GALNT13: variants seen among roughly 807,000 people sequenced by gnomAD.
GALNT13 encodes polypeptide N-acetylgalactosaminyltransferase 13.
A neutral mutation model predicts 64.2 loss-of-function variants in GALNT13; 28 were observed. The ratio of observed to expected loss-of-function variants is 0.44; its 90% confidence interval spans 0.32 to 0.60. GALNT13 has a LOEUF of 0.60. Ranked by LOEUF, GALNT13 falls within the 20% of genes least tolerant of loss-of-function variation. The pLI is 0.05. For synonymous variants in GALNT13, 214 were observed against 224.6 expected, an observed-to-expected ratio of 0.95 and a Z score of 0.42; for missense variants, 577 against 669.8, an observed-to-expected ratio of 0.86 and a Z score of 1.53.
intron 3 of GALNT13, among the ~76,000 whole-genome samples, chr2:154,133,622 C>T (rs1391610080): frequency 7.4e-6 from 1 of 134,446 alleles, no homozygotes; most frequent in African/African-American, 2.8e-5. Context: ...AACCTCTATT[C>T]TAATTACTTT....
the GALNT13 span, among the ~76,000 whole-genome samples, chr2:153,092,411 G>A: frequency 0.2 from 30,063 of 152,026 alleles, 3,322 homozygotes; most frequent in Non-Finnish European, 0.26. Flanking sequence ...ATTACATTGA[G>A]TCTGTAGATT....
At chr2:153,402,042 G>C in the GALNT13 span, among the ~76,000 whole-genome samples, 1 of 145,158 alleles carries the variant, frequency 6.9e-6, no homozygotes, top group Non-Finnish European at 1.5e-5. Flanking sequence ...TTACATTTTG[G>C]CATGATTTTG....
At chr2:153,799,629 G>A in the GALNT13 span, among the ~76,000 whole-genome samples, 1 of 152,092 alleles carries the variant, frequency 6.6e-6, no homozygotes. Context: ...ATTATTGTCA[G>A]AAGTTATTTG....
chr2:153,734,147 C>T, the GALNT13 span, among the ~76,000 whole-genome samples: 1 of 152,112 alleles, frequency 6.6e-6, no homozygotes, highest in African/African-American at 2.4e-5. Flanking sequence ...TGGTGGCCCC[C>T]GTGAACACTC....
At chr2:153,973,812 C>T (rs962927801) in intron 3 of GALNT13, among the ~76,000 whole-genome samples, 36 of 151,868 alleles carry the variant, frequency 2.4e-4, no homozygotes, top group Middle Eastern at 3.2e-3. Flanking sequence ...TATTCACATG[C>T]GCACCTAGTG....
chr2:154,144,654 T>C (rs1470155775), intron 4 of GALNT13, among the ~76,000 whole-genome samples: 1 of 152,068 alleles, frequency 6.6e-6, no homozygotes, highest in East Asian at 1.9e-4. Flanking sequence ...GTCCAAAAAG[T>C]TTAATGTTAT....
intron 9 of GALNT13, among the ~76,000 whole-genome samples, chr2:154,366,967 T>TA (rs1697398717): frequency 1.3e-5 from 2 of 152,236 alleles, no homozygotes; most frequent in South Asian, 4.1e-4. Context: ...AAGGAAGAAA[T>TA]ACCATGGAAT....
the GALNT13 span, among the ~76,000 whole-genome samples, chr2:153,327,150 G>A: frequency 1.3e-5 from 2 of 152,090 alleles, no homozygotes; most frequent in Admixed American, 1.3e-4. Context: ...TTGACTTACA[G>A]GGTTTCTGCA....
intron 9 of GALNT13, among the ~76,000 whole-genome samples, chr2:154,340,941 CTGTA>C (rs1695729735): frequency 6.6e-6 from 1 of 151,656 alleles, no homozygotes; most frequent in Non-Finnish European, 1.5e-5. Flanking sequence ...CTGCGCACGC[CTGTA>C]TGTGTGTGTA....
chr2:154,224,192 T>C (rs920968456), intron 4 of GALNT13, among the ~76,000 whole-genome samples: 1 of 152,086 alleles, frequency 6.6e-6, no homozygotes, highest in Non-Finnish European at 1.5e-5. Context: ...GACAGAAAAT[T>C]TCTTGTGAAG....
At chr2:154,258,316 G>A (rs958210427) in intron 7 of GALNT13, among the ~76,000 whole-genome samples, 2 of 151,984 alleles carry the variant, frequency 1.3e-5, no homozygotes, top group African/African-American at 2.4e-5. Flanking sequence ...AAACCAAAAG[G>A]CATTTATTCC....
the GALNT13 span, among the ~76,000 whole-genome samples, chr2:153,704,143 A>G: frequency 6.6e-6 from 1 of 152,114 alleles, no homozygotes; most frequent in Non-Finnish European, 1.5e-5. Flanking sequence ...CACTTTATAT[A>G]TAAGGCATTC....
At chr2:153,872,706 A>G (rs1305554893) in intron 1 of GALNT13, among the ~76,000 whole-genome samples, 2 of 150,154 alleles carry the variant, frequency 1.3e-5, no homozygotes, top group Non-Finnish European at 2.9e-5. Flanking sequence ...AGCCCAGACA[A>G]CTTTCTCGCA....
At chr2:154,367,160 T>C (rs2105300950) in intron 9 of GALNT13, among the ~76,000 whole-genome samples, 1 of 49,042 alleles carries the variant, frequency 2.0e-5, no homozygotes, top group South Asian at 1.2e-3. Context: ...ACAGCTGAGA[T>C]GTAAACCATA....
At position 154,023,638 on chromosome 2, in the gene GALNT13, C is replaced by G. The variant is rs376044996; in HGVS notation, c.142+78999C>G. Among the ~76,000 whole-genome samples, 27 of 152,266 alleles carry G rather than the reference C, an allele frequency of 1.8e-4. No homozygotes were observed. The East Asian group carries it at 5.2e-3, about 29-fold the overall frequency. On this transcript the variant is annotated intron_variant, in intron 3 of 12. Transcript: ENST00000392825. ...AATACAGCACACTGATGGGTCTTGA[C>G]TCTTTATCCAGTTTGCCAGTCTGTG... is the stretch of plus-strand genomic sequence containing the variant.
the GALNT13 span, among the ~76,000 whole-genome samples, chr2:153,323,666 T>C: frequency 1.3e-5 from 2 of 152,220 alleles, no homozygotes; most frequent in Admixed American, 6.5e-5. Context: ...AATTATTGTA[T>C]AAGGTGTAAG....
In GALNT13 at chr2:154,189,472, C is replaced by CAA. The variant is rs35557058; in HGVS notation, c.311+48988_311+48989dup. Among the ~76,000 whole-genome samples the CAA allele has an allele frequency of 6.7e-3, 546 of 81,116 alleles. 5 individuals carry two copies. Among genetic ancestry groups the CAA allele is most frequent in the African/African-American group, 8.7e-3 (183 of 21,054 alleles). 53.2% of individuals were successfully genotyped at this position (81,116 alleles called of 152,430 possible). Reference sequence around the variant, plus strand: ...ACTTTCTCTCTTCTCACGTGCACACCAAAAAAAAAAAAAAAAAAAAAAGGC... The same window carrying CAA: ...ACTTTCTCTCTTCTCACGTGCACACCAAAAAAAAAAAAAAAAAAAAAAAAGGC... On this transcript the variant is annotated intron_variant, in intron 4 of 12. Transcript: ENST00000392825.
intron 3 of GALNT13, among the ~76,000 whole-genome samples, chr2:153,970,970 G>A (rs889470719): frequency 7.9e-5 from 12 of 152,120 alleles, no homozygotes; most frequent in Admixed American, 5.2e-4. Context: ...TTATTATGAT[G>A]GCTTACTCAA....
chr2:154,169,567 G>C (rs922326495), intron 4 of GALNT13, among the ~76,000 whole-genome samples: 1 of 152,080 alleles, frequency 6.6e-6, no homozygotes. Context: ...GCCCCATATT[G>C]GCACTAGTGA....
Sources: allele counts gnomAD v4.1 joint callset (sites outside exome capture counted in the v4.1 genomes callset), GRCh38; gene constraint gnomAD v4.1.1; transcripts MANE v1.5; gene names NCBI Gene and HGNC (gene_info 2026-07-23, HGNC 2026-07-21).